The following PCDHGA11 variants were observed in gnomAD, a reference collection of about 807,000 sequenced individuals.
PCDHGA11 encodes protocadherin gamma-A11.
Under a neutral mutation model 60.4 loss-of-function variants are expected in PCDHGA11, and 39 were observed. The observed-to-expected ratio is 0.65, with a 90% confidence interval of 0.50 to 0.84. The LOEUF is 0.84. Ranked by LOEUF, PCDHGA11 falls within the 40% of genes least tolerant of loss-of-function variation. The probability of loss-of-function intolerance (pLI) is 0.00; values close to 1 mark genes in which losing one functional copy is unlikely to be tolerated. For missense variants in PCDHGA11, 1,165 were observed against 1,197.7 expected (o/e 0.97, Z 0.40); for synonymous variants, 533 against 510.3 (o/e 1.04, Z -0.60).
At chr5:141,428,020 C>A (rs1443722620) in intron 1 of PCDHGA11, 1 of 1,605,408 alleles carries the variant, frequency 6.2e-7, no homozygotes, top group Admixed American at 1.7e-5. Context: ...GTGCCACGCG[C>A]CGCAGAGTCC....
In PCDHGA11 at chr5:141,422,758, A is replaced by G; in HGVS notation, c.1531A>G (p.Asn511Asp). 6.2e-7 allele frequency: 1 copy of G among 1,613,150 alleles called. No individual in the cohort carries two copies. Among genetic ancestry groups the G allele is most frequent in the Non-Finnish European group, 8.5e-7 (1 of 1,179,406 alleles). The part of the protein sequence containing the change: ...PLSSYVSINS[N>D]TGVLYALQSF... ...GTCCTCCTATGTCTCTATTAACTCCAACACTGGTGTTCTCTATGCCCTACA... is the reference window on the plus strand; with the variant it reads ...GTCCTCCTATGTCTCTATTAACTCCGACACTGGTGTTCTCTATGCCCTACA... The change falls in exon 1 of 4, where the codon AAC becomes GAC. Residue 511 changes from asparagine (N) to aspartate (D), a missense_variant. By Grantham distance (23) the Asn-to-Asp change is conservative (BLOSUM62 1). Transcript: ENST00000398587.
chr5:141,469,581 A>G (rs543624370), intron 1 of PCDHGA11, among the ~76,000 whole-genome samples: 1 of 152,340 alleles, frequency 6.6e-6, no homozygotes, highest in Admixed American at 6.5e-5. Flanking sequence ...CTCTAAATAA[A>G]TAAATAAATA....
chr5:141,443,999 T>C (rs2098413024), intron 1 of PCDHGA11, among the ~76,000 whole-genome samples: 1 of 152,136 alleles, frequency 6.6e-6, no homozygotes, highest in Non-Finnish European at 1.5e-5. Context: ...TTTTAAATGC[T>C]ACCTGGGTAT....
intron 1 of PCDHGA11, among the ~76,000 whole-genome samples, chr5:141,435,017 C>T (rs1477938779): frequency 1.3e-5 from 2 of 151,994 alleles, no homozygotes; most frequent in Middle Eastern, 3.2e-3. Flanking sequence ...AATGATAATG[C>T]TCTTTTCCCA....
chr5:141,437,591 G>T (rs1177672004), intron 1 of PCDHGA11, among the ~76,000 whole-genome samples: 5 of 152,170 alleles, frequency 3.3e-5, no homozygotes, highest in Non-Finnish European at 7.3e-5. Flanking sequence ...GAATTGGATA[G>T]TTCTGGTGTA....
At position 141,422,627 on chromosome 5, in the gene PCDHGA11, C is replaced by T; in HGVS notation, c.1400C>T (p.Pro467Leu). The stretch of plus-strand genomic sequence containing the variant: ...TCTGCCTACATTCCCGAAAACAACC[C>T]CAGGGGTGCCTCCATCTTCTCAGTG... ...SYSAYIPENN[P>L]RGASIFSVTA... Residue 467 changes from proline (P) to leucine (L), a missense_variant, in exon 1 of 4, where the codon CCC becomes CTC. Transcript: ENST00000398587. The T allele has an allele frequency of 6.2e-7, 1 of 1,613,350 alleles. No homozygotes were observed. The highest frequency in any genetic ancestry group is 8.5e-7 in the Non-Finnish European group (1 of 1,179,578).
intron 2 of PCDHGA11, among the ~76,000 whole-genome samples, chr5:141,501,331 ACACC>A (rs747366952): frequency 1.4e-5 from 2 of 138,844 alleles, no homozygotes; most frequent in Non-Finnish European, 3.2e-5. Context: ...ACACACACAC[ACACC>A]CCAAACTCAA....
intron 1 of PCDHGA11, among the ~76,000 whole-genome samples, chr5:141,457,755 A>G (rs1011599369): frequency 2.0e-5 from 3 of 152,226 alleles, no homozygotes; most frequent in African/African-American, 4.8e-5. Flanking sequence ...GAGCCCAGAC[A>G]TGGGTTTGTA....
chr5:141,433,906 A>G (rs1218318743), intron 1 of PCDHGA11, among the ~76,000 whole-genome samples: 1 of 151,412 alleles, frequency 6.6e-6, no homozygotes, highest in Non-Finnish European at 1.5e-5. Flanking sequence ...ATCACTTATT[A>G]CAATCACCTC....
intron 1 of PCDHGA11, among the ~76,000 whole-genome samples, chr5:141,442,609 TA>T (rs1238913928): frequency 6.6e-6 from 1 of 152,112 alleles, no homozygotes; most frequent in African/African-American, 2.4e-5. Flanking sequence ...GAGATCTCAG[TA>T]AAAAGCATTT....
At position 141,490,346 on chromosome 5, in the gene PCDHGA11, T is replaced by G. The variant is rs1396321935; in HGVS notation, c.2434-4461T>G. 1.2e-6 allele frequency: 2 copies of G among 1,614,046 alleles called. No individual in the cohort carries two copies. Among genetic ancestry groups the G allele is most frequent in the African/African-American group, 2.7e-5 (2 of 74,900 alleles). ...GAGAGCACACCAGTGGGCACAGTAG[T>G]GGGGTTGTTTAATGTGCGAGACCGG... On this transcript the variant is annotated intron_variant, in intron 1 of 3. Coordinates refer to ENST00000398587, the MANE Select transcript of PCDHGA11 (RefSeq NM_018914.3). This position sits in a 1 kb window ranked among gnomAD's most constrained non-coding sequence, Gnocchi z 5.4.
rs1023379892 is a variant in PCDHGA11 at position 141,475,927 on chromosome 5, G to T, written c.2434-18880G>T. 1.3e-4 allele frequency: 80 copies of T among 628,362 alleles called. No individual in the cohort carries two copies. In the African/African-American group the frequency reaches 1.4e-3, roughly 11 times the overall value. The allele number at this position is 628,362 out of a possible 1,614,324, so 38.9% of individuals were successfully genotyped here. ...CGGCCAATGAAGACGCTGGAGATCG[G>T]GCCCCTGCCCGTCCCCTTTCTGCGC... On this transcript the variant is annotated intron_variant, in intron 1 of 3. Coordinates refer to ENST00000398587, the MANE Select transcript of PCDHGA11 (RefSeq NM_018914.3).
At chr5:141,497,878 C>T (rs553853040) in intron 2 of PCDHGA11, among the ~76,000 whole-genome samples, 32 of 152,256 alleles carry the variant, frequency 2.1e-4, no homozygotes, top group Non-Finnish European at 3.5e-4. Flanking sequence ...GTGAAATAAG[C>T]GTTAGGATCT....
Sources: allele counts gnomAD v4.1 joint callset (sites outside exome capture counted in the v4.1 genomes callset), GRCh38; gene constraint gnomAD v4.1.1; non-coding constraint Gnocchi (gnomAD v3.1); transcripts MANE v1.5; gene names NCBI Gene and HGNC (gene_info 2026-07-23, HGNC 2026-07-21).